Variants in ZP4 observed in about 807,000 individuals in gnomAD.
ZP4 encodes zona pellucida sperm-binding protein 4.
A neutral mutation model predicts 62.3 loss-of-function variants in ZP4; 62 were observed. That is an observed-to-expected ratio of 0.99 (90% CI 0.81 to 1.23). The LOEUF (loss-of-function observed/expected upper bound fraction) is 1.23. ZP4 is among the 50% of genes most tolerant of loss of function. ZP4 has a pLI of 0.00. For missense variants in ZP4, 774 were observed against 656.0 expected (o/e 1.18, Z -1.97); for synonymous variants, 289 against 247.3 (o/e 1.17, Z -1.58).
chr1:237,885,563 A>G lies in ZP4; in HGVS notation c.988T>C (p.Tyr330His). Residue 330 changes from tyrosine to histidine, a missense_variant, in exon 8 of 12, where the codon TAC becomes CAC. Coordinates refer to ENST00000366570, the MANE Select transcript of ZP4 (RefSeq NM_021186.5). ...QIAKDKNYGS[Y>H]YGVGDYPVVK... The stretch of plus-strand genomic sequence containing the variant: ...ACTGGGTAGTCACCAACACCGTAGT[A>G]AGAGCCATAGTTTTTATCTGCAAGA... 6.2e-7 allele frequency: 1 copy of G among 1,613,510 alleles called. No individual in the cohort carries two copies. The highest frequency in any genetic ancestry group is 1.1e-5 in the South Asian group (1 of 90,946).
At chr1:237,889,829 A>T in intron 3 of ZP4, 38 bp downstream of exon 3, 2 of 657,266 alleles carry the variant, frequency 3.0e-6, no homozygotes, top group Non-Finnish European at 5.2e-6. Context: ...CCCCACCCCC[A>T]CCACCCCCAC....
chr1:237,885,139 G>C, intron 9 of ZP4, 26 bp downstream of exon 9: 1 of 1,609,142 alleles, frequency 6.2e-7, no homozygotes, highest in Non-Finnish European at 8.5e-7. Flanking sequence ...GAGCCCTGGT[G>C]AGTGTCATGG....
chr1:237,888,345 C>T lies in ZP4; in HGVS notation c.553+13G>A. The T allele has an allele frequency of 6.4e-7, 1 of 1,560,820 alleles. No homozygotes were observed. Among genetic ancestry groups the T allele is most frequent in the East Asian group, 2.3e-5 (1 of 43,480 alleles). On this transcript the variant is annotated intron_variant, in intron 4 of 11. Coordinates refer to ENST00000366570, the MANE Select transcript of ZP4 (RefSeq NM_021186.5). The stretch of plus-strand genomic sequence containing the variant: ...TTCCTCAGCTGGTTTCAGAGGTGTG[C>T]TCACTTACTCACCAGTGTTTCCATA...
chr1:237,884,029 C>A lies in ZP4; in HGVS notation c.1390+740G>T, dbSNP rs575462845. ...ACACACACACACAAACACACACACA[C>A]ACAAACACACACAAACACACACAAA... is the stretch of plus-strand genomic sequence containing the variant. On this transcript the variant is annotated intron_variant, in intron 10 of 11. Transcript: ENST00000366570. 2.0e-4 allele frequency among the ~76,000 whole-genome samples: 19 copies of A among 94,044 alleles called. 1 individual carries two copies. Among genetic ancestry groups the A allele is most frequent in the African/African-American group, 7.7e-4 (16 of 20,672 alleles). 61.7% of individuals were successfully genotyped at this position (94,044 alleles called of 152,430 possible).
At chr1:237,888,699 T>G (rs1316495934) in intron 3 of ZP4, among the ~76,000 whole-genome samples, 189 bp from the exon 4 acceptor site, 1 of 152,200 alleles carries the variant, frequency 6.6e-6, no homozygotes, top group East Asian at 1.9e-4. Flanking sequence ...TTGTCAACAT[T>G]AAGTCACCTT....
Position 237,890,670 on chromosome 1 carries a change from T to G in ZP4, c.-35A>C. 1 of 1,594,304 alleles carries G rather than the reference T, an allele frequency of 6.3e-7. No homozygotes were observed. Among genetic ancestry groups the G allele is most frequent in the South Asian group, 1.1e-5 (1 of 88,298 alleles). On this transcript the variant is annotated 5_prime_UTR_variant, in exon 1 of 12. Coordinates refer to ENST00000366570, the MANE Select transcript of ZP4 (RefSeq NM_021186.5). The stretch of plus-strand genomic sequence containing the variant: ...AGGAGTTCCTGCCGGCTGCAGACTC[T>G]CCGCCTCCTCTCCCAAGAGCCGAGG...
rs1665129071 is a variant in ZP4, at chr1:237,887,403, G to A, written c.712C>T (p.Pro238Ser). 1 of 1,613,908 alleles carries A rather than the reference G, an allele frequency of 6.2e-7. No individual in the cohort carries two copies. The highest frequency in any genetic ancestry group is 1.3e-5 in the African/African-American group (1 of 74,798). ...ATQAFVLFQFPFTSCGTTRQI... is the reference protein window; with the variant it reads ...ATQAFVLFQFSFTSCGTTRQI... The stretch of plus-strand genomic sequence containing the variant: ...CTTGTGGTGCCACAGGAAGTAAATG[G>A]AAACTGGAACAGAACAAAAGCTTGT... The change falls in exon 5 of 12, where the codon CCA becomes TCA. Residue 238 changes from proline (P) to serine (S), a missense_variant. Transcript: ENST00000366570.
At chr1:237,883,250 G>GAAATATAC (rs1664957258) in intron 10 of ZP4, among the ~76,000 whole-genome samples, 1 of 152,044 alleles carries the variant, frequency 6.6e-6, no homozygotes, top group Non-Finnish European at 1.5e-5. Context: ...TCATTCACTT[G>GAAATATAC]AAATATACAG....
At position 237,884,796 on chromosome 1, in the gene ZP4, A is replaced by G; in HGVS notation, c.1363T>C (p.Cys455Arg). 6.2e-7 allele frequency: 1 copy of G among 1,613,816 alleles called. No individual in the cohort carries two copies. The highest frequency in any genetic ancestry group is 8.5e-7 in the Non-Finnish European group (1 of 1,179,904). ...SVCQPAETPS[C>R]VVTCPDLSRR... ...CTGAGATCAGGACAGGTCACCACAC[A>G]GGATGGTGTCTCAGCAGGCTGGCAG... The change falls in exon 10 of 12, where the codon TGT (cysteine) becomes CGT (arginine). Residue 455 changes from cysteine to arginine, a missense_variant. Cys to Arg is a radical substitution (Grantham distance 180). Coordinates refer to ENST00000366570, the MANE Select transcript of ZP4 (RefSeq NM_021186.5).
rs372485205 is a variant in ZP4, at chr1:237,883,478, G to A, written c.1391-632C>T. The stretch of plus-strand genomic sequence containing the variant: ...GCCTGTAATCCCAACACTTTGGGGG[G>A]CCAAGGCAGGTGGATCACCTAAGGT... On this transcript the variant is annotated intron_variant, in intron 10 of 11. Coordinates refer to ENST00000366570, the MANE Select transcript of ZP4 (RefSeq NM_021186.5). 2.1e-4 allele frequency among the ~76,000 whole-genome samples: 32 copies of A among 151,468 alleles called. 1 individual carries two copies. The South Asian group carries it at 5.9e-3, about 28-fold the overall frequency.
intron 3 of ZP4, among the ~76,000 whole-genome samples, chr1:237,889,058 T>A (rs73112218): frequency 0.018 from 2,816 of 152,260 alleles, 43 homozygotes; most frequent in African/African-American, 0.043. Context: ...GTAGGCATCA[T>A]ACTTCCTGCT....
intron 1 of ZP4, 67 bp downstream of exon 1, chr1:237,890,394 G>C: frequency 1.3e-6 from 2 of 1,543,936 alleles, no homozygotes; most frequent in Non-Finnish European, 1.8e-6. Flanking sequence ...GGAAGATAGG[G>C]AGACATCTTA....
intron 10 of ZP4, among the ~76,000 whole-genome samples, chr1:237,884,037 C>T (rs1190819075): frequency 1.7e-5 from 2 of 119,112 alleles, no homozygotes; most frequent in Admixed American, 1.5e-4. Context: ...CACACAAACA[C>T]ACACAAACAC....
chr1:237,885,900 A>G lies in ZP4; in HGVS notation c.840-14T>C, dbSNP rs1665091170. On this transcript the variant is annotated splice_polypyrimidine_tract_variant and intron_variant, in intron 6 of 11. Coordinates refer to ENST00000366570, the MANE Select transcript of ZP4 (RefSeq NM_021186.5). ...CTGACATGGAGCCTGCAGAGAAACA[A>G]GATTTTAGCTAGTTGGTTGTGGGAA... 2 of 1,613,760 alleles carry G rather than the reference A, an allele frequency of 1.2e-6. No individual in the cohort carries two copies. The highest frequency in any genetic ancestry group is 4.5e-5 in the East Asian group (2 of 44,856).
Position 237,890,737 on chromosome 1 carries a change from G to C in ZP4, c.-102C>G. On this transcript the variant is annotated 5_prime_UTR_variant, in exon 1 of 12. Coordinates refer to ENST00000366570, the MANE Select transcript of ZP4 (RefSeq NM_021186.5). Reference sequence around the variant, plus strand: ...TCCTTTATATACAGAAGTCAGGCTTGTTTTCAGCTGCACATCTTTGTGACA... The same window carrying C: ...TCCTTTATATACAGAAGTCAGGCTTCTTTTCAGCTGCACATCTTTGTGACA... 7.6e-7 allele frequency: 1 copy of C among 1,318,348 alleles called. No individual in the cohort carries two copies. The highest frequency in any genetic ancestry group is 1.0e-6 in the Non-Finnish European group (1 of 973,222). The allele number at this position is 1,318,348 out of a possible 1,614,324, so 81.7% of individuals were successfully genotyped here. A position where few individuals can be genotyped will look rare whatever the true frequency, so the allele number is the denominator to read the frequency against.
Position 237,882,458 on chromosome 1 carries a change from C to A in ZP4, c.1587G>T (p.Lys529Asn), listed in dbSNP as rs1292655669. Residue 529 changes from lysine (K) to asparagine (N), a missense_variant, in exon 12 of 12, where the codon AAG becomes AAT. Transcript: ENST00000366570. ...GALLVSYLAV[K>N]KQKSCPDQMC... ...TTTGGTCTGGGCAACTCTTCTGTTT[C>A]TTGACAGCCAAGTAGGATACTAACA... 6.2e-7 allele frequency: 1 copy of A among 1,610,942 alleles called. No homozygotes were observed. Among genetic ancestry groups the A allele is most frequent in the Non-Finnish European group, 8.5e-7 (1 of 1,179,308 alleles).
Position 237,889,765 on chromosome 1 carries a change from G to T in ZP4, c.400+102C>A, listed in dbSNP as rs569005407. The T allele has an allele frequency of 8.7e-5, 85 of 978,220 alleles. 1 individual carries two copies. The South Asian group carries it at 1.1e-3, about 13-fold the overall frequency. The allele number at this position is 978,220 out of a possible 1,614,324, so 60.6% of individuals were successfully genotyped here. A position where few individuals can be genotyped will look rare whatever the true frequency, so the allele number is the denominator to read the frequency against. On this transcript the variant is annotated intron_variant, in intron 3 of 11. Transcript: ENST00000366570. The stretch of plus-strand genomic sequence containing the variant: ...TTGGGACATGATCCTTCCTTCATTA[G>T]TGTCAGGTGTCACTGCACAGAGCAG...
At chr1:237,889,315 A>T (rs928881082) in intron 3 of ZP4, among the ~76,000 whole-genome samples, 138 of 125,686 alleles carry the variant, frequency 1.1e-3, no homozygotes, top group African/African-American at 3.3e-3. Context: ...GATAGGTTGT[A>T]TTTTTTTTTT....
intron 3 of ZP4, 131 bp downstream of exon 3, chr1:237,889,734 TGA>T: frequency 1.2e-6 from 1 of 806,566 alleles, no homozygotes; most frequent in Non-Finnish European, 2.1e-6. Context: ...CCCATGGAGG[TGA>T]GAGTTGGGAC....
Sources: gnomAD v4.1 joint callset for allele counts (sites outside exome capture counted in the v4.1 genomes callset) on GRCh38, gnomAD v4.1.1 for gene constraint, MANE v1.5 for transcripts, NCBI Gene and HGNC (gene_info 2026-07-23, HGNC 2026-07-21) for gene names.